Variants in SLC35B1 observed in about 807,000 individuals in gnomAD.
SLC35B1 encodes solute carrier family 35 member B1, also known as ATP/ADP exchanger ER.
In SLC35B1, 27 loss-of-function variants were observed where a neutral mutation model predicts 36.6. The ratio of observed to expected loss-of-function variants is 0.74; its 90% CI spans 0.54 to 1.02. The LOEUF is 1.02. SLC35B1 is among the 50% of genes least tolerant of loss of function. The pLI, the probability that SLC35B1 is intolerant of heterozygous loss-of-function variation, is 0.00. For missense variants in SLC35B1, 321 were observed against 383.2 expected (o/e 0.84, Z 1.35); for synonymous variants, 162 against 152.5 (o/e 1.06, Z -0.46).
intron 2 of SLC35B1, 54 bp from the exon 3 acceptor site, chr17:49,706,388 AAAAC>A: frequency 1.4e-6 from 2 of 1,424,460 alleles, no homozygotes; most frequent in East Asian, 5.2e-5. Context: ...AAAAAAAAAA[AAAAC>A]AAGAGAAACC....
At chr17:49,704,333 A>G (rs1453033072) in intron 5 of SLC35B1, 107 bp from the exon 6 acceptor site, 12 of 1,395,404 alleles carry the variant, frequency 8.6e-6, no homozygotes, top group Non-Finnish European at 1.1e-5. Context: ...CACTGCCTTT[A>G]AAGTCCTCAG....
At chr17:49,708,175 C>G, upstream of SLC35B1, 1 of 663,804 alleles carries the variant, frequency 1.5e-6, no homozygotes, top group Non-Finnish European at 2.7e-6. Flanking sequence ...ACAACTGCGA[C>G]CCAGAGCACC....
chr17:49,701,546 G>A (rs771841522), intron 8 of SLC35B1, 36 bp from the exon 9 acceptor site: 6 of 1,594,908 alleles, frequency 3.8e-6, no homozygotes, highest in Admixed American at 1.7e-5. Flanking sequence ...AGCCTTATGG[G>A]GGGAAATGAA....
intron 3 of SLC35B1, 52 bp from the exon 4 acceptor site, chr17:49,705,948 C>G: frequency 6.4e-7 from 1 of 1,574,104 alleles, no homozygotes; most frequent in Non-Finnish European, 8.7e-7. Flanking sequence ...GTGTCAGGTA[C>G]TATGCTAGGT....
Position 49,703,342 on chromosome 17 carries a change from A to ATG in SLC35B1, c.656-50_656-49dup, listed in dbSNP as rs774447501. On this transcript the variant is annotated intron_variant, in intron 6 of 8. Transcript: ENST00000240333. ...GTACGGCGCATTTTGTGCACACAAA[A>ATG]TGTGCGCACACACACACACACACAC... 9.6e-6 allele frequency: 9 copies of ATG among 934,884 alleles called. No individual in the cohort carries two copies. The Admixed American group carries it at 1.7e-4, about 18-fold the overall frequency. 57.9% of individuals were successfully genotyped at this position (934,884 alleles called of 1,614,324 possible). A position where few individuals can be genotyped will look rare whatever the true frequency, so the allele number is the denominator to read the frequency against.
chr17:49,704,565 G>A (rs1248263546), intron 5 of SLC35B1, among the ~76,000 whole-genome samples: 1 of 152,172 alleles, frequency 6.6e-6, no homozygotes, highest in Non-Finnish European at 1.5e-5. Flanking sequence ...GTGCTCCAGA[G>A]ACCGGATCCT....
chr17:49,707,589 T>G, intron 1 of SLC35B1, 141 bp downstream of exon 1: 1 of 1,458,166 alleles, frequency 6.9e-7, no homozygotes, highest in South Asian at 1.4e-5. Context: ...GGCTCAGCCA[T>G]AGCTGCAAAA....
At chr17:49,706,074 C>A in intron 3 of SLC35B1, 130 bp downstream of exon 3, 1 of 1,334,602 alleles carries the variant, frequency 7.5e-7, no homozygotes, top group Non-Finnish European at 1.0e-6. Flanking sequence ...TGGTTCTATA[C>A]ACTCCCAATG....
rs1198472708 is a variant in SLC35B1 at position 49,704,082 on chromosome 17, A to G, written c.655+18T>C. On this transcript the variant is annotated intron_variant, in intron 6 of 8. Transcript: ENST00000240333. Reference sequence around the variant, plus strand: ...CCCTCTGGTGATACATGGGAAGAACAGCAGAACTGGCTCTCACCCATTCCC... The same window carrying G: ...CCCTCTGGTGATACATGGGAAGAACGGCAGAACTGGCTCTCACCCATTCCC... 1 of 1,613,838 alleles carries G rather than the reference A, an allele frequency of 6.2e-7. No individual in the cohort carries two copies. Among genetic ancestry groups the G allele is most frequent in the Non-Finnish European group, 8.5e-7 (1 of 1,179,870 alleles).
intron 6 of SLC35B1, chr17:49,703,847 C>T: frequency 2.2e-6 from 1 of 454,610 alleles, no homozygotes; most frequent in South Asian, 2.2e-5. Context: ...AGGTACCTCC[C>T]TGTGTTTTAC....
intron 2 of SLC35B1, 58 bp from the exon 3 acceptor site, chr17:49,706,392 CAA>C (rs2073420961): frequency 3.9e-5 from 33 of 849,554 alleles, no homozygotes; most frequent in Non-Finnish European, 4.7e-5. Context: ...AAAAAAAAAA[CAA>C]GAGAAACCTG....
rs765063634 is a variant in SLC35B1, at chr17:49,705,147, C to T, written c.505G>A (p.Val169Ile). 4 of 1,614,194 alleles carry T rather than the reference C, an allele frequency of 2.5e-6. No individual in the cohort carries two copies. The South Asian group carries it at 4.4e-5, about 18-fold the overall frequency. ...ACCAAGAGTAGCTCTCCATAGCCGA[C>T]TGTGTGTTCTTCTATCCCAACAACT... ...KKVVGIEEHT[V>I]GYGELLLLLS... Residue 169 changes from valine to isoleucine, a missense_variant, in exon 5 of 9, where the codon GTC becomes ATC. Physicochemically the swap from Val to Ile is conservative, Grantham distance 29. Transcript: ENST00000240333.
chr17:49,707,989 A>G (rs1369511667), upstream of SLC35B1: 2 of 1,479,156 alleles, frequency 1.4e-6, no homozygotes, highest in Non-Finnish European at 1.8e-6. Context: ...AGCAGTCACT[A>G]CCAGAACTGC....
Position 49,707,792 on chromosome 17 carries a change from C to T in SLC35B1, c.42G>A (p.Leu14=). ...SSSLVPDRLR[L]PLCFLGVFVC... ...CAAAGACACCCAGGAAGCAGAGCGG[C>T]AGGCGCAGCCGGTCGGGCACCAGGG... Residue 14 remains leucine, a synonymous_variant, in exon 1 of 9, where the codon CTG becomes CTA. Transcript: ENST00000240333. 1.2e-6 allele frequency: 2 copies of T among 1,611,786 alleles called. No individual in the cohort carries two copies. The highest frequency in any genetic ancestry group is 1.7e-6 in the Non-Finnish European group (2 of 1,179,782).
chr17:49,706,363 A>G (rs1376450035), intron 2 of SLC35B1, 29 bp from the exon 3 acceptor site: 5 of 1,119,484 alleles, frequency 4.5e-6, no homozygotes, highest in Admixed American at 3.6e-5. Context: ...AAAAAAAAAA[A>G]AAGAAAAGAA....
rs2073417445 is a variant in SLC35B1 at position 49,706,346 on chromosome 17, C to CAAAAAAAAAAAAAAAAAGAAAAGGAAAAA, written c.209-13_209-12insTTTTTCCTTTTCTTTTTTTTTTTTTTTTT. The CAAAAAAAAAAAAAAAAAGAAAAGGAAAAA allele has an allele frequency of 1.4e-6, 1 of 703,146 alleles. No individual in the cohort carries two copies. The highest frequency in any genetic ancestry group is 3.3e-5 in the African/African-American group (1 of 30,374). The allele number at this position is 703,146 out of a possible 1,614,324, so 43.6% of individuals were successfully genotyped here. ...AAAAAACTGGATCACTGGGAGAAGA[C>CAAAAAAAAAAAAAAAAAGAAAAGGAAAAA]AAAAAAAAAAAAAAAAAAAGAAAAG... On this transcript the variant is annotated splice_polypyrimidine_tract_variant and intron_variant, in intron 2 of 8. Transcript: ENST00000240333.
At chr17:49,702,052 C>A in intron 8 of SLC35B1, 1 of 210,110 alleles carries the variant, frequency 4.8e-6, no homozygotes, top group Non-Finnish European at 1.0e-5. Flanking sequence ...ATGATCATGC[C>A]ACTACACTCC....
chr17:49,707,254 T>A, intron 1 of SLC35B1, 186 bp from the exon 2 acceptor site: 2 of 1,440,196 alleles, frequency 1.4e-6, no homozygotes, highest in Non-Finnish European at 1.8e-6. Flanking sequence ...AAACTAGACA[T>A]CCCAGCCTAC....
intron 2 of SLC35B1, 52 bp from the exon 3 acceptor site, chr17:49,706,386 A>C: frequency 1.4e-6 from 2 of 1,427,558 alleles, no homozygotes; most frequent in Non-Finnish European, 9.2e-7. Context: ...GAAAAAAAAA[A>C]AAAAACAAGA....
Sources: allele counts gnomAD v4.1 joint callset (sites outside exome capture counted in the v4.1 genomes callset), GRCh38; gene constraint gnomAD v4.1.1; transcripts MANE v1.5; gene names NCBI Gene and HGNC (gene_info 2026-07-23, HGNC 2026-07-21).